FGGY: variants seen among roughly 807,000 people sequenced by gnomAD.
The protein encoded by FGGY is FGGY carbohydrate kinase domain-containing protein.
FGGY carries 72 observed loss-of-function variants against 71.3 expected under a neutral mutation model. That is an observed-to-expected ratio of 1.01 (90% CI 0.84 to 1.23). The LOEUF (loss-of-function observed/expected upper bound fraction) is 1.23, where lower values mean the gene tolerates loss of function less well. Ranked by LOEUF, FGGY falls within the 50% of genes most tolerant of loss-of-function variation. FGGY has a pLI of 0.00. For missense variants in FGGY, 668 were observed against 682.3 expected, an observed-to-expected ratio of 0.98 and a Z score of 0.23; for synonymous variants, 251 against 250.3, an observed-to-expected ratio of 1.00 and a Z score of -0.02.
At chr1:59,540,176 CCA>C (rs951489961) in intron 7 of FGGY, among the ~76,000 whole-genome samples, 1 of 152,196 alleles carries the variant, frequency 6.6e-6, no homozygotes, top group African/African-American at 2.4e-5. Context: ...GGAAATATGA[CCA>C]CACTTTGGGA....
chr1:59,386,926 C>T (rs2060139135), intron 5 of FGGY, among the ~76,000 whole-genome samples: 1 of 151,890 alleles, frequency 6.6e-6, no homozygotes, highest in African/African-American at 2.4e-5. Context: ...TTTTCCTCTC[C>T]CCTCCATTAT....
At chr1:59,686,491 C>T (rs2097545384) in intron 14 of FGGY, among the ~76,000 whole-genome samples, 1 of 152,148 alleles carries the variant, frequency 6.6e-6, no homozygotes, top group African/African-American at 2.4e-5. Context: ...TTTTATAAAC[C>T]ACATTAAGTG....
At chr1:59,529,503 T>G (rs1291575769) in intron 7 of FGGY, among the ~76,000 whole-genome samples, 1 of 152,158 alleles carries the variant, frequency 6.6e-6, no homozygotes, top group Non-Finnish European at 1.5e-5. Context: ...TAGAGTATTC[T>G]GGATGGAGAG....
chr1:59,356,518 A>G (rs2054345259), intron 4 of FGGY, among the ~76,000 whole-genome samples: 1 of 152,150 alleles, frequency 6.6e-6, no homozygotes, highest in African/African-American at 2.4e-5. Context: ...CCTAGAATTT[A>G]TTGCATTACA....
intron 9 of FGGY, 121 bp downstream of exon 9, chr1:59,608,031 C>CT: frequency 1.4e-6 from 1 of 725,400 alleles, no homozygotes; most frequent in Non-Finnish European, 2.3e-6. Context: ...TCGGGGTGTA[C>CT]TTTCTCTTAG....
chr1:59,435,232 A>T (rs2068173349), intron 5 of FGGY, among the ~76,000 whole-genome samples: 1 of 152,226 alleles, frequency 6.6e-6, no homozygotes, highest in South Asian at 2.1e-4. Flanking sequence ...AGGCACAAAG[A>T]GGTTGATATT....
chr1:59,451,184 T>G (rs2072615128), intron 5 of FGGY, among the ~76,000 whole-genome samples: 3 of 152,098 alleles, frequency 2.0e-5, no homozygotes, highest in Admixed American at 6.5e-5. Flanking sequence ...AGAGTCCTAC[T>G]AAGTGTTTTG....
intron 5 of FGGY, among the ~76,000 whole-genome samples, chr1:59,439,933 T>C (rs1572169774): frequency 6.6e-6 from 1 of 152,176 alleles, no homozygotes; most frequent in East Asian, 1.9e-4. Context: ...CCATTAAAAC[T>C]AGTCGATCCA....
intron 7 of FGGY, among the ~76,000 whole-genome samples, chr1:59,532,623 T>A (rs966110480): frequency 5.9e-5 from 9 of 152,166 alleles, no homozygotes; most frequent in South Asian, 2.1e-4. Flanking sequence ...ATGATTTTTT[T>A]AAAAATCATG....
chr1:59,319,801 C>T (rs1435150362), intron 1 of FGGY, among the ~76,000 whole-genome samples: 1 of 151,946 alleles, frequency 6.6e-6, no homozygotes, highest in Non-Finnish European at 1.5e-5. Context: ...GTGCTGAGGC[C>T]CTGGGGTATA....
chr1:59,705,004 C>T (rs1196539198), intron 14 of FGGY, among the ~76,000 whole-genome samples: 1 of 152,134 alleles, frequency 6.6e-6, no homozygotes, highest in Non-Finnish European at 1.5e-5. Flanking sequence ...TTTCCTTTGC[C>T]TTTCCCCATT....
intron 6 of FGGY, among the ~76,000 whole-genome samples, chr1:59,494,315 A>T (rs577832490): frequency 6.6e-6 from 1 of 152,184 alleles, no homozygotes; most frequent in Non-Finnish European, 1.5e-5. Context: ...GAGACTTCAG[A>T]GTTGTGACAT....
intron 14 of FGGY, among the ~76,000 whole-genome samples, chr1:59,747,371 T>C (rs1334476011): frequency 6.6e-6 from 1 of 152,172 alleles, no homozygotes. Flanking sequence ...TTACCTAGTA[T>C]AAAACCACTC....
At chr1:59,516,134 G>C (rs1028813944) in intron 7 of FGGY, among the ~76,000 whole-genome samples, 7 of 152,098 alleles carry the variant, frequency 4.6e-5, no homozygotes, top group African/African-American at 1.7e-4. Flanking sequence ...TCACCTTACA[G>C]CCAATCCAAG....
intron 7 of FGGY, among the ~76,000 whole-genome samples, chr1:59,530,674 G>A (rs1003292026): frequency 3.9e-5 from 6 of 152,198 alleles, no homozygotes; most frequent in African/African-American, 1.4e-4. Flanking sequence ...GCAGGAAGGA[G>A]GGTGAGAAGG....
intron 14 of FGGY, among the ~76,000 whole-genome samples, chr1:59,693,671 A>G (rs2097618360): frequency 6.6e-6 from 1 of 151,934 alleles, no homozygotes; most frequent in African/African-American, 2.4e-5. Context: ...AGAGGAAGGA[A>G]GAGGAGGAGG....
At chr1:59,757,469 G>A (rs376035888) in intron 14 of FGGY, among the ~76,000 whole-genome samples, 2 of 152,216 alleles carry the variant, frequency 1.3e-5, no homozygotes, top group South Asian at 4.1e-4. Flanking sequence ...GAATTGGAGA[G>A]GTCTTAAATA....
Position 59,626,033 on chromosome 1 carries a change from G to A in FGGY, c.1057G>A (p.Val353Ile), listed in dbSNP as rs752305642. Residue 353 changes from valine (V) to isoleucine (I), a missense_variant, in exon 10 of 16, where the codon GTA becomes ATA. Physicochemically the swap from Val to Ile is conservative, Grantham distance 29. Coordinates refer to ENST00000303721, the MANE Select transcript of FGGY (RefSeq NM_018291.5). ...CCATGCTGCTTTTCCAGAACTACAA[G>A]TAAAGGCCACAGCCAGGTAACTGCT... is the stretch of plus-strand genomic sequence containing the variant. ...QGHAAFPELQ[V>I]KATARCQSIY... The A allele has an allele frequency of 4.3e-6, 7 of 1,613,384 alleles. No homozygotes were observed. In the South Asian group the frequency reaches 7.7e-5, roughly 18 times the overall value.
intron 14 of FGGY, among the ~76,000 whole-genome samples, chr1:59,676,633 T>C (rs2097438497): frequency 6.6e-6 from 1 of 152,124 alleles, no homozygotes; most frequent in Admixed American, 6.5e-5. Flanking sequence ...CTACATGAGA[T>C]TTGCTGTTAG....
Sources: allele counts gnomAD v4.1 joint callset (sites outside exome capture counted in the v4.1 genomes callset), GRCh38; gene constraint gnomAD v4.1.1; transcripts MANE v1.5; gene names NCBI Gene and HGNC (gene_info 2026-07-23, HGNC 2026-07-21).